Variants in ZBTB16 observed in about 807,000 individuals in gnomAD.
The protein encoded by ZBTB16 is zinc finger and BTB domain-containing protein 16.
In ZBTB16, 8 loss-of-function variants were observed where a neutral mutation model predicts 56.8. The observed-to-expected ratio is 0.14, with a 90% CI of 0.08 to 0.25. The LOEUF is 0.25. ZBTB16 is among the 10% of genes least tolerant of loss of function. The pLI is 1.00. For synonymous variants in ZBTB16, 363 were observed against 368.5 expected, an observed-to-expected ratio of 0.98 and a Z score of 0.17; for missense variants, 625 against 903.0, an observed-to-expected ratio of 0.69 and a Z score of 3.95.
chr11:114,130,737 C>T (rs747022830), intron 2 of ZBTB16, among the ~76,000 whole-genome samples: 1 of 152,184 alleles, frequency 6.6e-6, no homozygotes, highest in African/African-American at 2.4e-5. Flanking sequence ...AAAATAGATG[C>T]TTTCAGCTGA....
intron 4 of ZBTB16, among the ~76,000 whole-genome samples, chr11:114,211,835 G>C (rs1205584357): frequency 2.6e-5 from 4 of 152,168 alleles, no homozygotes; most frequent in Non-Finnish European, 4.4e-5. Flanking sequence ...AAACGAGATG[G>C]TCAAGGATCT....
intron 2 of ZBTB16, among the ~76,000 whole-genome samples, chr11:114,139,708 C>T (rs1941895770): frequency 6.6e-6 from 1 of 151,088 alleles, no homozygotes; most frequent in African/African-American, 2.4e-5. Context: ...GCAGCATCTT[C>T]TTGCCTTTTT....
chr11:114,129,014 A>G (rs1941592997), intron 2 of ZBTB16, among the ~76,000 whole-genome samples: 1 of 152,246 alleles, frequency 6.6e-6, no homozygotes, highest in East Asian at 1.9e-4. Flanking sequence ...ACAGCTCCCC[A>G]TGTGCGTTCA....
chr11:114,088,759 T>A (rs1940062200), intron 2 of ZBTB16, among the ~76,000 whole-genome samples: 1 of 152,254 alleles, frequency 6.6e-6, no homozygotes, highest in South Asian at 2.1e-4. Flanking sequence ...CAGGTATTGT[T>A]AAAGCAGAGT....
intron 2 of ZBTB16, among the ~76,000 whole-genome samples, chr11:114,081,367 C>T (rs1049427587): frequency 1.2e-4 from 19 of 152,006 alleles, no homozygotes; most frequent in Admixed American, 1.0e-3. Flanking sequence ...AGACATGGGA[C>T]TTTTCCTTGA....
Position 114,143,417 on chromosome 11 carries a change from TG to T in ZBTB16, c.1269-12913del, listed in dbSNP as rs1235495699. Among the ~76,000 whole-genome samples the T allele has an allele frequency of 8.8e-5, 13 of 147,198 alleles. No homozygotes were observed. Among genetic ancestry groups the T allele is most frequent in the South Asian group, 4.4e-4 (2 of 4,516 alleles). On this transcript the variant is annotated intron_variant, in intron 2 of 6. Coordinates refer to ENST00000335953, the MANE Select transcript of ZBTB16 (RefSeq NM_006006.6). The surrounding 1 kb of genome is among the most constrained non-coding windows in gnomAD (Gnocchi z 6.4). The stretch of plus-strand genomic sequence containing the variant: ...AGAAACACACTTAAAAGACAGAGGC[TG>T]GGGGGGAAAGGGGGTCAGCTTTGAG...
chr11:114,114,546 C>A (rs947432305), intron 2 of ZBTB16, among the ~76,000 whole-genome samples: 1 of 152,110 alleles, frequency 6.6e-6, no homozygotes, highest in African/African-American at 2.4e-5. Flanking sequence ...TCAAAAAGTT[C>A]TTTCCAGGAA....
chr11:114,142,513 A>T (rs970373586), intron 2 of ZBTB16, among the ~76,000 whole-genome samples: 1 of 152,258 alleles, frequency 6.6e-6, no homozygotes, highest in African/African-American at 2.4e-5. Flanking sequence ...GAGGTGTTCA[A>T]CATATGCGCT....
At position 114,140,414 on chromosome 11, in the gene ZBTB16, T is replaced by C. The variant is rs1331772872; in HGVS notation, c.1269-15923T>C. Among the ~76,000 whole-genome samples, 7 of 152,196 alleles carry C rather than the reference T, an allele frequency of 4.6e-5. No homozygotes were observed. The East Asian group carries it at 1.2e-3, about 25-fold the overall frequency. ...AGGAGGGTAGGTTGGTGTCTTATGCTTTGGTTGTATCCTTCACTATGCCAA... is the reference window on the plus strand; with the variant it reads ...AGGAGGGTAGGTTGGTGTCTTATGCCTTGGTTGTATCCTTCACTATGCCAA... On this transcript the variant is annotated intron_variant, in intron 2 of 6. Coordinates refer to ENST00000335953, the MANE Select transcript of ZBTB16 (RefSeq NM_006006.6).
In ZBTB16 at chr11:114,153,235, C is replaced by G. The variant is rs1366238221; in HGVS notation, c.1269-3102C>G. On this transcript the variant is annotated intron_variant, in intron 2 of 6. Transcript: ENST00000335953. Reference sequence around the variant, plus strand: ...ACAAGAATTAAAGATACGAGCAAACCAGTGCTGGGCTCTGTTGAACTCCCA... The same window carrying G: ...ACAAGAATTAAAGATACGAGCAAACGAGTGCTGGGCTCTGTTGAACTCCCA... Among the ~76,000 whole-genome samples the G allele has an allele frequency of 3.9e-5, 6 of 152,312 alleles. No homozygotes were observed. The East Asian group carries it at 9.6e-4, about 24-fold the overall frequency.
intron 2 of ZBTB16, among the ~76,000 whole-genome samples, chr11:114,124,258 C>T (rs1248236497): frequency 2.6e-5 from 4 of 151,970 alleles, no homozygotes; most frequent in African/African-American, 4.8e-5. Context: ...ATCACTGTCA[C>T]CTGCGCTTAT....
chr11:114,136,902 T>A (rs1364493564), intron 2 of ZBTB16, among the ~76,000 whole-genome samples: 1 of 152,152 alleles, frequency 6.6e-6, no homozygotes, highest in African/African-American at 2.4e-5. Flanking sequence ...TAGTCACATG[T>A]CCTATACTCA....
chr11:114,190,945 C>T (rs1403091036), intron 4 of ZBTB16, among the ~76,000 whole-genome samples: 1 of 152,110 alleles, frequency 6.6e-6, no homozygotes, highest in Non-Finnish European at 1.5e-5. Flanking sequence ...TCTGGGGAGG[C>T]CTCAGGAAGC....
At chr11:114,135,761 G>A (rs755481547) in intron 2 of ZBTB16, among the ~76,000 whole-genome samples, 22 of 152,222 alleles carry the variant, frequency 1.4e-4, no homozygotes, top group African/African-American at 4.3e-4. Flanking sequence ...ATATAGTGAG[G>A]CAGAAGAAAT....
intron 3 of ZBTB16, among the ~76,000 whole-genome samples, chr11:114,174,610 T>C (rs954210898): frequency 6.6e-6 from 1 of 152,228 alleles, no homozygotes; most frequent in Admixed American, 6.5e-5. Context: ...TGTGTATGTG[T>C]GTATTTTGTT....
At chr11:114,153,729 A>G (rs1942331814) in intron 2 of ZBTB16, among the ~76,000 whole-genome samples, 2 of 152,230 alleles carry the variant, frequency 1.3e-5, no homozygotes, top group South Asian at 4.1e-4. Context: ...CTCAGGGAGA[A>G]TAATAGTGCC....
Position 114,233,103 on chromosome 11 carries a change from ACACACACACACACACACACACACTCT to A in ZBTB16, c.1454-9062_1454-9037del, listed in dbSNP as rs1284848134. On this transcript the variant is annotated intron_variant, in intron 4 of 6. Coordinates refer to ENST00000335953, the MANE Select transcript of ZBTB16 (RefSeq NM_006006.6). ...CGCGCACACACACACACACACACAC[ACACACACACACACACACACACACTCT>A]CTCTCTCTCACACTCCCTTTCCTTC... 1.4e-4 allele frequency among the ~76,000 whole-genome samples: 6 copies of A among 42,018 alleles called. 1 individual carries two copies. The East Asian group carries it at 0.012, about 83-fold the overall frequency. The allele number at this position is 42,018 out of a possible 152,430, so 27.6% of individuals were successfully genotyped here. A position where few individuals can be genotyped will look rare whatever the true frequency, so the allele number is the denominator to read the frequency against.
chr11:114,210,833 T>G (rs988113541), intron 4 of ZBTB16: 5 of 214,564 alleles, frequency 2.3e-5, no homozygotes, highest in Non-Finnish European at 4.7e-5. Context: ...AATTTGTGAG[T>G]TGGATGTAAA....
Position 114,254,171 on chromosome 11 carries a change from A to G in ZBTB16, c.*3616A>G, listed in dbSNP as rs897112329. Among the ~76,000 whole-genome samples, 4 of 150,914 alleles carry G rather than the reference A, an allele frequency of 2.7e-5. No homozygotes were observed. Among genetic ancestry groups the G allele is most frequent in the Admixed American group, 2.6e-4 (4 of 15,100 alleles). ...ATGTATATATAGGATAGACAAATAT[A>G]TAGATATATAGATATATATATATAT... On this transcript the variant is annotated 3_prime_UTR_variant, in exon 7 of 7. Coordinates refer to ENST00000335953, the MANE Select transcript of ZBTB16 (RefSeq NM_006006.6).
Sources: gnomAD v4.1 joint callset for allele counts (sites outside exome capture counted in the v4.1 genomes callset) on GRCh38, gnomAD v4.1.1 for gene constraint, Gnocchi (gnomAD v3.1) non-coding constraint, MANE v1.5 for transcripts, NCBI Gene and HGNC (gene_info 2026-07-23, HGNC 2026-07-21) for gene names.